The following GPD2 variants were observed in gnomAD, a reference collection of about 807,000 sequenced individuals.
GPD2 encodes the protein glycerol-3-phosphate dehydrogenase 2.
A neutral mutation model predicts 82.4 loss-of-function variants in GPD2; 54 were observed. The observed-to-expected ratio is 0.66, with a 90% CI of 0.53 to 0.82. The LOEUF is 0.82. Among genes scored for constraint, GPD2 ranks in the 40% least tolerant of loss-of-function variants. GPD2 has a pLI of 0.00. For synonymous variants in GPD2, 288 were observed against 306.1 expected, an observed-to-expected ratio of 0.94 and a Z score of 0.62; for missense variants, 748 against 896.2, an observed-to-expected ratio of 0.83 and a Z score of 2.11.
At chr2:156,437,712 A>G (rs1439397479) in intron 1 of GPD2, among the ~76,000 whole-genome samples, 1 of 152,154 alleles carries the variant, frequency 6.6e-6, no homozygotes, top group Non-Finnish European at 1.5e-5. Flanking sequence ...GAGTCACTTT[A>G]TTTTATAAAG....
chr2:156,525,481 T>C (rs1265001583), intron 6 of GPD2, among the ~76,000 whole-genome samples: 1 of 152,214 alleles, frequency 6.6e-6, no homozygotes, highest in East Asian at 1.9e-4. Context: ...TCATTGCTAC[T>C]GGTTGGTCAT....
chr2:156,410,951 A>G, the GPD2 span, among the ~76,000 whole-genome samples: 1 of 152,342 alleles, frequency 6.6e-6, no homozygotes, highest in Non-Finnish European at 1.5e-5. Context: ...TGTCTAACAT[A>G]GACAAATTAC....
At chr2:156,452,464 G>A (rs1180626658) in intron 1 of GPD2, among the ~76,000 whole-genome samples, 2 of 152,268 alleles carry the variant, frequency 1.3e-5, no homozygotes, top group South Asian at 2.1e-4. Context: ...AATCAGGCAG[G>A]GAGGTTGCAG....
At chr2:156,552,829 C>T (rs1380210421) in intron 8 of GPD2, among the ~76,000 whole-genome samples, 1 of 149,662 alleles carries the variant, frequency 6.7e-6, no homozygotes, top group African/African-American at 2.4e-5. Flanking sequence ...GGGGTTTGTT[C>T]ATCACTTTTC....
At chr2:156,459,553 T>A (rs1022748302) in intron 1 of GPD2, among the ~76,000 whole-genome samples, 1 of 151,540 alleles carries the variant, frequency 6.6e-6, no homozygotes, top group Non-Finnish European at 1.5e-5. Context: ...CTGGGCATGG[T>A]GGCGCATGCC....
chr2:156,447,623 G>C (rs1573875934), intron 1 of GPD2, among the ~76,000 whole-genome samples: 1 of 152,076 alleles, frequency 6.6e-6, no homozygotes, highest in Admixed American at 6.6e-5. Flanking sequence ...GTGTGAGCCT[G>C]GCCCAACTCT....
At chr2:156,581,162 A>G (rs1688010367) in intron 16 of GPD2, among the ~76,000 whole-genome samples, 1 of 152,034 alleles carries the variant, frequency 6.6e-6, no homozygotes, top group Non-Finnish European at 1.5e-5. Flanking sequence ...TTTCTTGTAG[A>G]GTTTTTTTTT....
chr2:156,527,376 A>G (rs1558943557), intron 6 of GPD2, among the ~76,000 whole-genome samples: 2 of 152,118 alleles, frequency 1.3e-5, no homozygotes, highest in Admixed American at 6.5e-5. Context: ...GAAGTTTCAA[A>G]CTAGTTTCAT....
chr2:156,524,020 T>C (rs1685514968), intron 6 of GPD2, among the ~76,000 whole-genome samples: 2 of 152,200 alleles, frequency 1.3e-5, no homozygotes, highest in Admixed American at 6.5e-5. Flanking sequence ...GGGGCACATG[T>C]ACAGGTTTGT....
intron 2 of GPD2, among the ~76,000 whole-genome samples, chr2:156,482,060 G>A (rs1159004392): frequency 6.6e-6 from 1 of 152,188 alleles, no homozygotes; most frequent in Non-Finnish European, 1.5e-5. Context: ...AACATAGGAA[G>A]CTTTCAAAAA....
intron 6 of GPD2, among the ~76,000 whole-genome samples, chr2:156,524,082 A>T (rs1344655078): frequency 6.6e-6 from 1 of 152,214 alleles, no homozygotes; most frequent in East Asian, 1.9e-4. Context: ...TAGTGAACCC[A>T]TCACCCAAAT....
intron 1 of GPD2, among the ~76,000 whole-genome samples, chr2:156,467,601 G>C (rs1683192698): frequency 6.6e-6 from 1 of 152,180 alleles, no homozygotes. Context: ...GTGACGGAAG[G>C]ATAAAAGTGT....
At chr2:156,439,849 A>AAATAAATAAATAAAT (rs1553463893) in intron 1 of GPD2, among the ~76,000 whole-genome samples, 1 of 147,544 alleles carries the variant, frequency 6.8e-6, no homozygotes, top group East Asian at 2.0e-4. Context: ...TCTGTCTCAA[A>AAATAAATAAATAAAT]AAATAAATAA....
chr2:156,549,584 C>A (rs370487625), intron 6 of GPD2, 24 bp from the exon 7 acceptor site: 2 of 1,611,346 alleles, frequency 1.2e-6, no homozygotes, highest in African/African-American at 2.7e-5. Flanking sequence ...TCCTCTCCCT[C>A]CCCTGATGCT....
rs531360396 is a variant in GPD2, at chr2:156,451,882, C to T, written c.-9+15369C>T. ...GGGTCTCCTCACTTCTCAGACGGGGCGGCCGGGCAGAGACGCTCCTCACCT... is the reference window on the plus strand; with the variant it reads ...GGGTCTCCTCACTTCTCAGACGGGGTGGCCGGGCAGAGACGCTCCTCACCT... On this transcript the variant is annotated intron_variant, in intron 1 of 16. Coordinates refer to ENST00000438166, the MANE Select transcript of GPD2 (RefSeq NM_000408.5). Among the ~76,000 whole-genome samples, 6 of 150,010 alleles carry T rather than the reference C, an allele frequency of 4.0e-5. No homozygotes were observed. In the South Asian group the frequency reaches 6.5e-4, roughly 16 times the overall value.
intron 13 of GPD2, among the ~76,000 whole-genome samples, chr2:156,572,699 C>T (rs527277511): frequency 6.6e-6 from 1 of 152,198 alleles, no homozygotes; most frequent in South Asian, 2.1e-4. Context: ...AGTTTAGAAG[C>T]ATAGGATATA....
intron 9 of GPD2, among the ~76,000 whole-genome samples, chr2:156,561,206 C>A (rs1687162413): frequency 1.3e-5 from 2 of 151,824 alleles, no homozygotes; most frequent in South Asian, 2.1e-4. Context: ...CGCCACCACA[C>A]CCGGCTAATT....
intron 9 of GPD2, among the ~76,000 whole-genome samples, chr2:156,563,145 C>T (rs1324318618): frequency 2.0e-5 from 3 of 152,074 alleles, no homozygotes; most frequent in Non-Finnish European, 4.4e-5. Flanking sequence ...GAGGCCCAAG[C>T]GTTCTTGCTT....
chr2:156,571,053 TTA>T, intron 12 of GPD2, 79 bp from the exon 13 acceptor site: 1 of 946,426 alleles, frequency 1.1e-6, no homozygotes, highest in South Asian at 1.3e-5. Context: ...AAGCACACAT[TTA>T]TTTTTTTTAA....
Sources: allele counts gnomAD v4.1 joint callset (sites outside exome capture counted in the v4.1 genomes callset), GRCh38; gene constraint gnomAD v4.1.1; transcripts MANE v1.5; gene names NCBI Gene and HGNC (gene_info 2026-07-23, HGNC 2026-07-21).